Variants in COL22A1 observed in about 807,000 individuals in gnomAD.
COL22A1 encodes the protein collagen alpha-1(XXII) chain.
COL22A1 carries 221 observed loss-of-function variants against 248.9 expected under a neutral mutation model. The ratio of observed to expected loss-of-function variants is 0.89; its 90% CI spans 0.80 to 0.99. The LOEUF (loss-of-function observed/expected upper bound fraction) is 0.99, where lower values mean the gene tolerates loss of function less well. Ranked by LOEUF, COL22A1 falls within the 50% of genes least tolerant of loss-of-function variation. COL22A1 has a pLI of 0.00. For synonymous variants in COL22A1, 891 were observed against 793.4 expected, an observed-to-expected ratio of 1.12 and a Z score of -2.07; for missense variants, 2,240 against 2,179.0, an observed-to-expected ratio of 1.03 and a Z score of -0.56.
intron 52 of COL22A1, among the ~76,000 whole-genome samples, chr8:138,621,932 C>A (rs78528917): frequency 1.3e-5 from 2 of 152,178 alleles, no homozygotes; most frequent in African/African-American, 4.8e-5. Context: ...CTCGTTGAGA[C>A]TTTTCAATTT....
chr8:138,784,682 T>A (rs574245279), intron 12 of COL22A1, among the ~76,000 whole-genome samples: 3 of 152,292 alleles, frequency 2.0e-5, no homozygotes, highest in East Asian at 3.9e-4. Flanking sequence ...GGATAGTTTA[T>A]CTATTATTAC....
intron 43 of COL22A1, 105 bp from the exon 44 acceptor site, chr8:138,660,585 T>A: frequency 1.0e-6 from 1 of 995,382 alleles, no homozygotes; most frequent in Non-Finnish European, 1.5e-6. Flanking sequence ...TGTAACTCAG[T>A]GGGGAAAAAA....
intron 30 of COL22A1, among the ~76,000 whole-genome samples, chr8:138,704,265 T>G (rs949764458): frequency 6.6e-6 from 1 of 152,188 alleles, no homozygotes; most frequent in Non-Finnish European, 1.5e-5. Context: ...TTGACAGCTT[T>G]GAAGAGAGTA....
intron 32 of COL22A1, among the ~76,000 whole-genome samples, chr8:138,699,366 CA>C (rs142366355): frequency 9.1e-4 from 138 of 152,322 alleles, no homozygotes; most frequent in African/African-American, 3.0e-3. Flanking sequence ...ATGAAGATAG[CA>C]ACAGCTGAAA....
chr8:138,733,847 T>A (rs1437758003), intron 23 of COL22A1, among the ~76,000 whole-genome samples: 1 of 152,120 alleles, frequency 6.6e-6, no homozygotes, highest in African/African-American at 2.4e-5. Context: ...TGCTTGAGAG[T>A]AGGACCCTGA....
chr8:138,619,483 G>A lies in COL22A1; in HGVS notation c.3797C>T (p.Pro1266Leu). The change falls in exon 53 of 65, where the codon CCA (proline) becomes CTA (leucine). Residue 1266 changes from proline (P) to leucine (L), a missense_variant. Transcript: ENST00000303045. Reference protein sequence around the residue: ...EPGKAGEPGLPGPEGARGPPG... With the variant: ...EPGKAGEPGLLGPEGARGPPG... ...TGGGCCTCGGGCACCCTCTGGTCCT[G>A]GTAGACCTGGCTCTCCTGCTTTGCC... The A allele has an allele frequency of 6.2e-7, 1 of 1,614,102 alleles. No individual in the cohort carries two copies. The highest frequency in any genetic ancestry group is 1.1e-5 in the South Asian group (1 of 91,084).
At chr8:138,638,406 G>A (rs532492410) in intron 47 of COL22A1, among the ~76,000 whole-genome samples, 1 of 152,204 alleles carries the variant, frequency 6.6e-6, no homozygotes, top group East Asian at 1.9e-4. Flanking sequence ...GTAAATAAAG[G>A]ATGAGGGGCA....
intron 16 of COL22A1, among the ~76,000 whole-genome samples, chr8:138,764,396 G>A (rs889174023): frequency 2.0e-5 from 3 of 152,212 alleles, no homozygotes; most frequent in Non-Finnish European, 4.4e-5. Context: ...GATGGGCAGG[G>A]AATGGGGCAG....
At position 138,878,145 on chromosome 8, in the gene COL22A1, G is replaced by T. The variant is rs369513330; in HGVS notation, c.263C>A (p.Thr88Lys). The change falls in exon 3 of 65, where the codon ACG (threonine) becomes AAG (lysine). Residue 88 changes from threonine (T) to lysine (K), a missense_variant. Physicochemically the swap from Thr to Lys is moderately conservative, Grantham distance 78 (BLOSUM62 -1). Transcript: ENST00000303045. ...GVVRYSDRPT[T>K]AFELGLFGSQ... is the part of the protein sequence containing the mutation. ...GCCAAAGAGTCCCAACTCGAAGGCC[G>T]TGGTGGGCCGGTCGCTGTAGCGCAC... 7.6e-5 allele frequency: 122 copies of T among 1,605,790 alleles called. No individual in the cohort carries two copies. In the South Asian group the frequency reaches 8.9e-4, roughly 12 times the overall value.
At chr8:138,611,398 C>T (rs911115865) in intron 56 of COL22A1, among the ~76,000 whole-genome samples, 3 of 152,146 alleles carry the variant, frequency 2.0e-5, no homozygotes, top group Non-Finnish European at 4.4e-5. Context: ...GAAATCAAGC[C>T]CAGATGGCTG....
At chr8:138,648,692 T>G (rs1822419537) in intron 46 of COL22A1, among the ~76,000 whole-genome samples, 1 of 152,028 alleles carries the variant, frequency 6.6e-6, no homozygotes. Context: ...TCCCAATGTC[T>G]AGGGATTGGT....
chr8:138,701,896 T>C (rs770385944), intron 31 of COL22A1, among the ~76,000 whole-genome samples: 3 of 152,256 alleles, frequency 2.0e-5, no homozygotes, highest in Non-Finnish European at 4.4e-5. Flanking sequence ...TATCACTATC[T>C]TTTCAAGACC....
rs549176474 is a variant in COL22A1 at position 138,867,014 on chromosome 8, A to G, written c.658+10736T>C. Among the ~76,000 whole-genome samples the G allele has an allele frequency of 9.2e-5, 14 of 152,318 alleles. No individual in the cohort carries two copies. The East Asian group carries it at 2.3e-3, about 25-fold the overall frequency. On this transcript the variant is annotated intron_variant, in intron 3 of 64. Transcript: ENST00000303045. ...CTTGGGAGCTGGTGGCAGCAACTCC[A>G]GATTCTCAGTCATCACCTCAGAGTA...
At position 138,725,391 on chromosome 8, in the gene COL22A1, G is replaced by A; in HGVS notation, c.2189C>T (p.Ser730Phe). ...GVPGPPGPGG[S>F]PGLPGEIGFP... is the part of the protein sequence containing the mutation. ...GAAAATCAAAGCCAGTCTTACCGGA[G>A]AACCTCCCGGTCCAGGGGGGCCTGG... The change falls in exon 24 of 65, where the codon TCT becomes TTT. Residue 730 changes from serine to phenylalanine, a missense_variant. Coordinates refer to ENST00000303045, the MANE Select transcript of COL22A1 (RefSeq NM_152888.3). The A allele has an allele frequency of 1.2e-6, 2 of 1,614,112 alleles. No individual in the cohort carries two copies. The highest frequency in any genetic ancestry group is 1.7e-6 in the Non-Finnish European group (2 of 1,180,000).
chr8:138,856,648 GAC>G (rs1317650567), intron 3 of COL22A1, among the ~76,000 whole-genome samples: 1 of 151,256 alleles, frequency 6.6e-6, no homozygotes, highest in Non-Finnish European at 1.5e-5. Context: ...AAGAAACAGA[GAC>G]AGAGACACAG....
At chr8:138,601,767 C>T (rs1042958998) in intron 60 of COL22A1, among the ~76,000 whole-genome samples, 1 of 152,192 alleles carries the variant, frequency 6.6e-6, no homozygotes, top group Admixed American at 6.5e-5. Flanking sequence ...GGGAGCCGAG[C>T]CCGTCTCGGC....
At chr8:138,640,028 A>C (rs1247647348) in intron 47 of COL22A1, among the ~76,000 whole-genome samples, 1 of 152,244 alleles carries the variant, frequency 6.6e-6, no homozygotes, top group Non-Finnish European at 1.5e-5. Context: ...GTTATTGCTT[A>C]TCTTGACAAC....
At chr8:138,867,448 A>G (rs1422650097) in intron 3 of COL22A1, among the ~76,000 whole-genome samples, 1 of 152,176 alleles carries the variant, frequency 6.6e-6, no homozygotes, top group Admixed American at 6.5e-5. Flanking sequence ...AATATTAAGT[A>G]TGATAACAAG....
At chr8:138,758,294 C>T (rs781419864) in intron 18 of COL22A1, among the ~76,000 whole-genome samples, 2 of 152,196 alleles carry the variant, frequency 1.3e-5, no homozygotes, top group Non-Finnish European at 2.9e-5. Flanking sequence ...CAGGAGAGAT[C>T]GTGAAGCAGA....
Sources: allele counts gnomAD v4.1 joint callset (sites outside exome capture counted in the v4.1 genomes callset), GRCh38; gene constraint gnomAD v4.1.1; transcripts MANE v1.5; gene names NCBI Gene and HGNC (gene_info 2026-07-23, HGNC 2026-07-21).